ZDHHC24: variants seen among roughly 807,000 people sequenced by gnomAD.
The protein encoded by ZDHHC24 is probable palmitoyltransferase ZDHHC24.
Under a neutral mutation model 23.2 loss-of-function variants are expected in ZDHHC24, and 17 were observed. The ratio of observed to expected loss-of-function variants is 0.73; its 90% CI spans 0.50 to 1.10. The LOEUF (loss-of-function observed/expected upper bound fraction) is 1.10, where lower values mean the gene tolerates loss of function less well. Ranked by LOEUF, ZDHHC24 falls within the 50% of genes least tolerant of loss-of-function variation. The pLI is 0.00. For synonymous variants in ZDHHC24, 186 were observed against 194.5 expected (o/e 0.96, Z 0.36); for missense variants, 366 against 393.0 (o/e 0.93, Z 0.58).
intron 2 of ZDHHC24, chr11:66,529,734 C>T (rs1856685398): frequency 6.4e-7 from 1 of 1,551,890 alleles, no homozygotes; most frequent in Non-Finnish European, 8.8e-7. Flanking sequence ...CCTCCCCACA[C>T]CAACCTGAGC....
At chr11:66,541,384 CAA>C (rs1486982576) in intron 2 of ZDHHC24, among the ~76,000 whole-genome samples, 1 of 142,256 alleles carries the variant, frequency 7.0e-6, no homozygotes, top group African/African-American at 2.6e-5. Flanking sequence ...GCCTGGGCAA[CAA>C]GAGCAAAACT....
intron 2 of ZDHHC24, 39 bp downstream of exon 2, chr11:66,543,665 G>C (rs1437417433): frequency 2.0e-6 from 3 of 1,521,908 alleles, no homozygotes; most frequent in Non-Finnish European, 8.8e-7. Flanking sequence ...CCAATACCAG[G>C]GCCCCTGCCT....
chr11:66,541,416 A>C (rs1590794393), intron 2 of ZDHHC24, among the ~76,000 whole-genome samples: 2 of 152,200 alleles, frequency 1.3e-5, no homozygotes, highest in Admixed American at 1.3e-4. Flanking sequence ...AAAAAAAAAA[A>C]AAACCATTCT....
downstream of ZDHHC24, chr11:66,533,316 G>A (rs1015062158): frequency 3.3e-5 from 5 of 152,312 alleles, no homozygotes; most frequent in East Asian, 7.7e-4. Flanking sequence ...CAAGAAAACA[G>A]TCTCTCCCAT....
chr11:66,530,382 C>G (rs949981221), intron 2 of ZDHHC24, among the ~76,000 whole-genome samples: 1 of 152,066 alleles, frequency 6.6e-6, no homozygotes, highest in Non-Finnish European at 1.5e-5. Context: ...GAGACCAGCA[C>G]GGGCAAAAGG....
chr11:66,526,151 G>T lies in ZDHHC24; in HGVS notation c.*21+785C>A, dbSNP rs758139447. ...GCAGTGACCAGCCTTTGCTTTGGCC[G>T]GTACGGGCGGGAGGACAACACCCTC... is the stretch of plus-strand genomic sequence containing the variant. On this transcript the variant is annotated intron_variant, in intron 4 of 4. Coordinates refer to the ZDHHC24 transcript ENST00000526986. The T allele has an allele frequency of 1.2e-6, 2 of 1,614,050 alleles. No individual in the cohort carries two copies. The highest frequency in any genetic ancestry group is 2.7e-5 in the African/African-American group (2 of 74,916).
downstream of ZDHHC24, chr11:66,533,560 A>G (rs1856865880): frequency 6.6e-6 from 1 of 152,256 alleles, no homozygotes; most frequent in Admixed American, 6.5e-5. Flanking sequence ...TTAACTGCGG[A>G]GCCAAGAGTT....
intron 4 of ZDHHC24, chr11:66,523,261 G>A (rs903538662): frequency 1.3e-6 from 1 of 741,600 alleles, no homozygotes; most frequent in Non-Finnish European, 2.4e-6. Flanking sequence ...TAGTGAAGGT[G>A]GGAGGAAGAC....
chr11:66,521,416 T>G, exon 5 of ZDHHC24: 3 of 1,523,436 alleles, frequency 2.0e-6, no homozygotes, highest in Non-Finnish European at 2.7e-6. Flanking sequence ...GAGGAACATC[T>G]CAGAAAACTG....
chr11:66,541,627 C>T (rs1001929134), intron 2 of ZDHHC24, among the ~76,000 whole-genome samples: 1 of 151,780 alleles, frequency 6.6e-6, no homozygotes, highest in Admixed American at 6.6e-5. Context: ...GACAGGAGCA[C>T]GGGGAAATCG....
chr11:66,531,800 G>C, downstream of ZDHHC24: 1 of 1,613,772 alleles, frequency 6.2e-7, no homozygotes, highest in Non-Finnish European at 8.5e-7. Flanking sequence ...AGGACAGTAA[G>C]GGTGAGTGCC....
At chr11:66,521,904 C>CAAA (rs1183524219) in intron 4 of ZDHHC24, among the ~76,000 whole-genome samples, 60 of 36,398 alleles carry the variant, frequency 1.6e-3, no homozygotes, top group East Asian at 1.9e-3. Context: ...GACTCCGTCT[C>CAAA]AAAAAAAAAA....
intron 3 of ZDHHC24, chr11:66,529,205 G>GGGGGC: frequency 2.1e-6 from 2 of 957,274 alleles, no homozygotes; most frequent in Non-Finnish European, 3.1e-6. Flanking sequence ...GGCGGGGTGG[G>GGGGGC]CCCTGGAGGT....
downstream of ZDHHC24, among the ~76,000 whole-genome samples, chr11:66,535,016 C>T (rs947904952): frequency 1.3e-5 from 2 of 152,178 alleles, no homozygotes; most frequent in Non-Finnish European, 2.9e-5. Flanking sequence ...CATCAGACTC[C>T]CGAGTAGCTG....
chr11:66,522,504 C>T (rs1229636099), intron 4 of ZDHHC24, among the ~76,000 whole-genome samples: 14 of 151,790 alleles, frequency 9.2e-5, no homozygotes, highest in South Asian at 2.1e-4. Context: ...CGTGCCACCA[C>T]ACCCAGCTAA....
At chr11:66,530,406 G>A (rs1377619538) in intron 2 of ZDHHC24, among the ~76,000 whole-genome samples, 3 of 152,076 alleles carry the variant, frequency 2.0e-5, no homozygotes, top group Non-Finnish European at 4.4e-5. Context: ...AACCCCGCAA[G>A]GCTCAGACGC....
rs920385240 is a variant in ZDHHC24, at chr11:66,545,700, G to A, written c.281+23C>T. 2.7e-6 allele frequency: 4 copies of A among 1,488,110 alleles called. No homozygotes were observed. Among genetic ancestry groups the A allele is most frequent in the African/African-American group, 2.9e-5 (2 of 68,734 alleles). 92.2% of individuals were successfully genotyped at this position (1,488,110 alleles called of 1,614,324 possible). A position where few individuals can be genotyped will look rare whatever the true frequency, so the allele number is the denominator to read the frequency against. On this transcript the variant is annotated intron_variant, in intron 1 of 2. Coordinates refer to ENST00000310442, the MANE Select transcript of ZDHHC24 (RefSeq NM_207340.3). The surrounding 1 kb of genome is among the most constrained non-coding windows in gnomAD (Gnocchi z 4.5). ...CTGTCCAAGGCTCCCACTTCTCCCC[G>A]CCCGATCCCGCACCCCACTCACGCC...
chr11:66,525,908 C>A (rs945283040), intron 4 of ZDHHC24, among the ~76,000 whole-genome samples: 9 of 152,048 alleles, frequency 5.9e-5, no homozygotes, highest in African/African-American at 2.2e-4. Flanking sequence ...AGGAGGTTGA[C>A]CCCAAAAGTG....
chr11:66,521,192 A>T, exon 5 of ZDHHC24: 2 of 1,067,354 alleles, frequency 1.9e-6, no homozygotes, highest in South Asian at 1.3e-5. Flanking sequence ...CCAGGCACTC[A>T]CTCAGAGGAG....
Sources: allele counts gnomAD v4.1 joint callset (sites outside exome capture counted in the v4.1 genomes callset), GRCh38; gene constraint gnomAD v4.1.1; non-coding constraint Gnocchi (gnomAD v3.1); transcripts MANE v1.5; gene names NCBI Gene and HGNC (gene_info 2026-07-23, HGNC 2026-07-21).